The following FARP2 variants were observed in gnomAD, a reference collection of about 807,000 sequenced individuals.
The protein encoded by FARP2 is FERM, ARHGEF and pleckstrin domain-containing protein 2.
In FARP2, 111 loss-of-function variants were observed where a neutral mutation model predicts 130.5. The ratio of observed to expected loss-of-function variants is 0.85; its 90% CI spans 0.73 to 1.00. FARP2 has a LOEUF of 1.00. Among genes scored for constraint, FARP2 ranks in the 50% least tolerant of loss-of-function variants. The pLI, the probability that FARP2 is intolerant of heterozygous loss-of-function variation, is 0.00. For synonymous variants in FARP2, 504 were observed against 516.9 expected (o/e 0.98, Z 0.34); for missense variants, 1,385 against 1,346.3 (o/e 1.03, Z -0.45).
intron 17 of FARP2, chr2:241,465,602 A>G: frequency 2.6e-6 from 4 of 1,550,728 alleles, no homozygotes; most frequent in Non-Finnish European, 2.6e-6. Context: ...ACAACAGTGC[A>G]GGTCGTGCAT....
At chr2:241,465,872 T>G (rs1469835082) in intron 17 of FARP2, 30 of 1,479,840 alleles carry the variant, frequency 2.0e-5, no homozygotes, top group Non-Finnish European at 2.7e-5. Context: ...TGCTGTTCTG[T>G]GTTGAGATAG....
chr2:241,416,043 GTTC>G lies in FARP2; in HGVS notation c.624-1917_624-1915del, dbSNP rs1232127525. Reference sequence around the variant, plus strand: ...TGTGTGTGTGTGTGTGTCTGGGTGTGTTCTGTGTATACATGTGTGGCTGTGTGG... The same window carrying G: ...TGTGTGTGTGTGTGTGTCTGGGTGTGTGTGTATACATGTGTGGCTGTGTGG... On this transcript the variant is annotated intron_variant, in intron 7 of 26. Coordinates refer to ENST00000264042, the MANE Select transcript of FARP2 (RefSeq NM_014808.4). 2.6e-3 allele frequency among the ~76,000 whole-genome samples: 386 copies of G among 150,118 alleles called. 2 individuals carry two copies. Among genetic ancestry groups the G allele is most frequent in the African/African-American group, 8.9e-3 (361 of 40,656 alleles).
intron 13 of FARP2, among the ~76,000 whole-genome samples, chr2:241,453,383 G>C (rs1160979371): frequency 1.3e-5 from 2 of 151,862 alleles, no homozygotes; most frequent in Admixed American, 1.3e-4. Context: ...AGCACTTTGG[G>C]AGGCCAAGGC....
chr2:241,415,507 C>G, intron 7 of FARP2, among the ~76,000 whole-genome samples: 1 of 152,152 alleles, frequency 6.6e-6, no homozygotes, highest in East Asian at 1.9e-4. Flanking sequence ...AGGACAGTCC[C>G]TAGTGGATGG....
intron 2 of FARP2, among the ~76,000 whole-genome samples, chr2:241,375,606 T>C (rs930717127): frequency 6.6e-6 from 1 of 152,230 alleles, no homozygotes; most frequent in African/African-American, 2.4e-5. Flanking sequence ...TTAGAGCTTG[T>C]CAGTTTTAAT....
intron 14 of FARP2, 79 bp downstream of exon 14, chr2:241,457,001 T>G: frequency 1.5e-6 from 2 of 1,305,904 alleles, no homozygotes; most frequent in Non-Finnish European, 2.1e-6. Flanking sequence ...GTGGTGCTGG[T>G]GGGGACCCTG....
At chr2:241,493,777 A>C (rs2065023079) in intron 26 of FARP2, 2 of 479,108 alleles carry the variant, frequency 4.2e-6, no homozygotes, top group South Asian at 6.9e-5. Flanking sequence ...TTGTATTTTT[A>C]GTAGAGACAG....
At position 241,493,413 on chromosome 2, in the gene FARP2, T is replaced by C. The variant is rs748858207; in HGVS notation, c.3016T>C (p.Phe1006Leu). ...CCAGTTCAAATCCCACGTCTACTTC[T>C]TCCGGGCTGAGAGCAAGTACACATT... ...KLQFKSHVYF[F>L]RAESKYTFER... is the part of the protein sequence containing the mutation. Residue 1006 changes from phenylalanine to leucine, a missense_variant, in exon 26 of 27, where the codon TTC (phenylalanine) becomes CTC (leucine). Physicochemically the swap from Phe to Leu is conservative, Grantham distance 22. Transcript: ENST00000264042. The C allele has an allele frequency of 4.6e-5, 75 of 1,613,846 alleles. 1 individual carries two copies. The highest frequency in any genetic ancestry group is 3.3e-4 in the Middle Eastern group (2 of 6,084).
intron 1 of FARP2, among the ~76,000 whole-genome samples, chr2:241,363,044 A>G (rs897417809): frequency 1.3e-5 from 2 of 152,212 alleles, no homozygotes; most frequent in Non-Finnish European, 2.9e-5. Flanking sequence ...CGACAAGTAA[A>G]CGGTAACAGG....
chr2:241,384,812 G>A (rs1423567005), intron 2 of FARP2, among the ~76,000 whole-genome samples: 3 of 152,118 alleles, frequency 2.0e-5, no homozygotes, highest in African/African-American at 4.8e-5. Context: ...ACTATCCTAG[G>A]AAAAATGTTG....
intron 19 of FARP2, chr2:241,478,841 G>A (rs377691921): frequency 2.6e-6 from 1 of 387,470 alleles, no homozygotes; most frequent in Non-Finnish European, 5.0e-6. Context: ...TGAACAACTG[G>A]TCAGCAATGG....
At chr2:241,402,874 ATATATATTTTTTTT>A in intron 2 of FARP2, among the ~76,000 whole-genome samples, 1 of 10,978 alleles carries the variant, frequency 9.1e-5, no homozygotes. Context: ...ATATATATAT[ATATATATTTTTTTT>A]TTTTTTTTTT....
Position 241,494,257 on chromosome 2 carries a change from G to A in FARP2, c.*132G>A, listed in dbSNP as rs1190677490. On this transcript the variant is annotated 3_prime_UTR_variant, in exon 27 of 27. Coordinates refer to ENST00000264042, the MANE Select transcript of FARP2 (RefSeq NM_014808.4). This position sits in a 1 kb window ranked among gnomAD's most constrained non-coding sequence, Gnocchi z 4.9. ...GGATCCCCACTGGCACCAGCAGTGTGGGTGGGCCTCATGTAACATCTGGGA... is the reference window on the plus strand; with the variant it reads ...GGATCCCCACTGGCACCAGCAGTGTAGGTGGGCCTCATGTAACATCTGGGA... 2.1e-5 allele frequency: 10 copies of A among 480,022 alleles called. No homozygotes were observed. The highest frequency in any genetic ancestry group is 3.6e-5 in the Non-Finnish European group (10 of 277,438). The allele number at this position is 480,022 out of a possible 1,614,324, so 29.7% of individuals were successfully genotyped here.
intron 2 of FARP2, among the ~76,000 whole-genome samples, chr2:241,374,754 A>G (rs1407875114): frequency 1.3e-5 from 2 of 152,208 alleles, no homozygotes; most frequent in Non-Finnish European, 2.9e-5. Flanking sequence ...AGATAATTTC[A>G]TCAGGGCCAT....
At chr2:241,387,236 C>T (rs530471141) in intron 2 of FARP2, 1 of 152,174 alleles carries the variant, frequency 6.6e-6, no homozygotes, top group African/African-American at 2.4e-5. Context: ...AGGCTCCAGC[C>T]AGAGCAGCTG....
chr2:241,416,824 G>T (rs73004354), intron 7 of FARP2, among the ~76,000 whole-genome samples: 16,804 of 152,136 alleles, frequency 0.11, 1,184 homozygotes, highest in Non-Finnish European at 0.15. Flanking sequence ...CGAAAGGATC[G>T]CTTGAGCCTG....
chr2:241,397,393 A>T (rs989871817), intron 2 of FARP2, among the ~76,000 whole-genome samples: 14 of 152,218 alleles, frequency 9.2e-5, no homozygotes, highest in African/African-American at 3.4e-4. Flanking sequence ...GTCCCCTTAG[A>T]AAATTTGTTC....
intron 13 of FARP2, chr2:241,441,911 C>T: frequency 2.6e-6 from 1 of 384,084 alleles, no homozygotes; most frequent in Non-Finnish European, 4.9e-6. Flanking sequence ...CAGGCCTCTG[C>T]CCAGCCTCTG....
intron 2 of FARP2, among the ~76,000 whole-genome samples, chr2:241,377,167 G>C (rs992416437): frequency 6.6e-6 from 1 of 152,066 alleles, no homozygotes; most frequent in Admixed American, 6.5e-5. Flanking sequence ...TTCTTCCAGG[G>C]AGATGTGCTG....
Sources: gnomAD v4.1 joint callset for allele counts (sites outside exome capture counted in the v4.1 genomes callset) on GRCh38, gnomAD v4.1.1 for gene constraint, Gnocchi (gnomAD v3.1) non-coding constraint, MANE v1.5 for transcripts, NCBI Gene and HGNC (gene_info 2026-07-23, HGNC 2026-07-21) for gene names.